TMIE: variants seen among roughly 807,000 people sequenced by gnomAD.
The protein encoded by TMIE is transmembrane inner ear expressed protein.
Under a neutral mutation model 16.8 loss-of-function variants are expected in TMIE, and 14 were observed. The ratio of observed to expected loss-of-function variants is 0.83; its 90% CI spans 0.55 to 1.30. The LOEUF is 1.30. TMIE is among the 50% of genes most tolerant of loss of function. TMIE has a pLI of 0.00. For missense variants in TMIE, 204 were observed against 205.9 expected (o/e 0.99, Z 0.06); for synonymous variants, 75 against 87.2 (o/e 0.86, Z 0.78).
chr3:46,699,056 TCTTA>T (rs1194694075), upstream of TMIE, among the ~76,000 whole-genome samples: 1 of 133,414 alleles, frequency 7.5e-6, no homozygotes, highest in Non-Finnish European at 1.6e-5. Flanking sequence ...AAATGGTGTT[TCTTA>T]TTTTTTTTTT....
In TMIE at chr3:46,701,496, G is replaced by A; in HGVS notation, c.9G>A (p.Gly3=). The A allele has an allele frequency of 3.7e-6, 5 of 1,347,020 alleles. No homozygotes were observed. Among genetic ancestry groups the A allele is most frequent in the Middle Eastern group, 2.0e-4 (1 of 5,006 alleles). 83.4% of individuals were successfully genotyped at this position (1,347,020 alleles called of 1,614,324 possible). A position where few individuals can be genotyped will look rare whatever the true frequency, so the allele number is the denominator to read the frequency against. The change falls in exon 1 of 4, where the codon GGG becomes GGA. Residue 3 remains glycine (G), a synonymous_variant. Coordinates refer to ENST00000643606, the MANE Select transcript of TMIE (RefSeq NM_147196.3). The surrounding 1 kb of genome is among the most constrained non-coding windows in gnomAD (Gnocchi z 4.3). ...GGCGCGGTGGCACGAAGATGGCGGG[G>A]TGGCCGGGCGCGGGTCCCCTCTGCG... MA[G]WPGAGPLCVL... is the part of the protein sequence containing the mutation.
At chr3:46,699,175 C>T (rs564173605), upstream of TMIE, among the ~76,000 whole-genome samples, 2 of 144,216 alleles carry the variant, frequency 1.4e-5, no homozygotes, top group East Asian at 2.1e-4. Flanking sequence ...CGAGTTCAAG[C>T]GATTCTCCTG....
rs765221463 is a variant in TMIE at position 46,705,819 on chromosome 3, G to A, written c.123G>A (p.Pro41=). 1.3e-4 allele frequency: 209 copies of A among 1,614,028 alleles called. 1 individual carries two copies. Among genetic ancestry groups the A allele is most frequent in the South Asian group, 2.0e-4 (18 of 91,084 alleles). The change falls in exon 2 of 4, where the codon CCG becomes CCA. Residue 41 remains proline (P), a synonymous_variant. Coordinates refer to ENST00000643606, the MANE Select transcript of TMIE (RefSeq NM_147196.3). The part of the protein sequence containing the change: ...EPSTAPPKPK[P]PPLTKETVVF... The stretch of plus-strand genomic sequence containing the variant: ...GCACGGCCCCACCCAAGCCCAAGCC[G>A]CCTCCGCTGACCAAGGAGACAGTGG...
At chr3:46,700,251 G>A (rs919930854), upstream of TMIE, among the ~76,000 whole-genome samples, 5 of 152,176 alleles carry the variant, frequency 3.3e-5, no homozygotes, top group South Asian at 2.1e-4. Context: ...AACAGCTCTC[G>A]TTTTCCTGCC....
chr3:46,709,489 A>G, intron 3 of TMIE, 90 bp from the exon 4 acceptor site: 1 of 1,613,168 alleles, frequency 6.2e-7, no homozygotes, highest in Middle Eastern at 1.7e-4. Flanking sequence ...GGCAGAGTGT[A>G]GGAGGTTCTG....
At chr3:46,701,012 A>G (rs1311406274), upstream of TMIE, among the ~76,000 whole-genome samples, 1 of 151,292 alleles carries the variant, frequency 6.6e-6, no homozygotes, top group African/African-American at 2.4e-5. The surrounding 1 kb of genome is among the most constrained non-coding windows in gnomAD (Gnocchi z 4.3). Flanking sequence ...GCCTGTCACC[A>G]TGGCAACCTG....
chr3:46,696,172 C>G lies in TMIE; in HGVS notation c.-67+1554C>G, dbSNP rs570843770. ...CCACATGGACCCATCTACCATTGAA[C>G]CCACTGGTAAGGACTCCAAGTTGCA... On this transcript the variant is annotated intron_variant, in intron 1 of 3. Coordinates refer to the TMIE transcript ENST00000644830. Among the ~76,000 whole-genome samples, 3 of 152,332 alleles carry G rather than the reference C, an allele frequency of 2.0e-5. 1 individual carries two copies. The South Asian group carries it at 6.2e-4, about 32-fold the overall frequency.
Position 46,710,103 on chromosome 3 carries a change from G to C in TMIE, c.*415G>C. The C allele has an allele frequency of 6.3e-6, 2 of 315,350 alleles. No homozygotes were observed. The highest frequency in any genetic ancestry group is 5.8e-5 in the South Asian group (2 of 34,272). The allele number at this position is 315,350 out of a possible 1,614,324, so 19.5% of individuals were successfully genotyped here. A position where few individuals can be genotyped will look rare whatever the true frequency, so the allele number is the denominator to read the frequency against. On this transcript the variant is annotated 3_prime_UTR_variant, in exon 4 of 4. Transcript: ENST00000643606. Reference sequence around the variant, plus strand: ...ATGGCTGAAGTGCATGGGTCAGGGTGTGAGGCCACACCCAGAGTAGCCATG... The same window carrying C: ...ATGGCTGAAGTGCATGGGTCAGGGTCTGAGGCCACACCCAGAGTAGCCATG...
upstream of TMIE, among the ~76,000 whole-genome samples, chr3:46,696,667 A>G (rs942675218): frequency 3.3e-5 from 5 of 152,116 alleles, no homozygotes; most frequent in African/African-American, 9.7e-5. Context: ...TTCAGGCTCC[A>G]GGAGAGAACA....
chr3:46,702,660 G>T (rs1459173052), intron 1 of TMIE, among the ~76,000 whole-genome samples: 2 of 152,104 alleles, frequency 1.3e-5, no homozygotes, highest in Non-Finnish European at 2.9e-5. Flanking sequence ...CTTGGGGACA[G>T]TGTGGGATAG....
chr3:46,700,027 G>T (rs757609319), upstream of TMIE, among the ~76,000 whole-genome samples: 3 of 152,248 alleles, frequency 2.0e-5, no homozygotes, highest in South Asian at 2.1e-4. Context: ...TGACTGGTCA[G>T]TGTGGCTTTC....
intron 2 of TMIE, among the ~76,000 whole-genome samples, 175 bp from the exon 3 acceptor site, chr3:46,708,951 C>A (rs1020671144): frequency 6.6e-6 from 1 of 152,230 alleles, no homozygotes; most frequent in East Asian, 1.9e-4. Context: ...CTTAGGAAAG[C>A]CACCTTGGTC....
upstream of TMIE, among the ~76,000 whole-genome samples, chr3:46,700,166 C>A (rs1214017649): frequency 6.6e-6 from 1 of 152,192 alleles, no homozygotes; most frequent in East Asian, 1.9e-4. Flanking sequence ...GTGGCCCAGC[C>A]CACTCAGTCC....
intron 1 of TMIE, 23 bp from the exon 2 acceptor site, chr3:46,705,767 C>T (rs771630506): frequency 1.9e-6 from 3 of 1,610,548 alleles, no homozygotes; most frequent in Non-Finnish European, 8.5e-7. Flanking sequence ...GCCTAACTCA[C>T]TCCCCTCTCT....
chr3:46,699,353 G>C (rs868564769), upstream of TMIE, among the ~76,000 whole-genome samples: 16 of 152,280 alleles, frequency 1.1e-4, no homozygotes, highest in African/African-American at 3.4e-4. Context: ...TTACAGGTGT[G>C]AGCCACCATG....
At chr3:46,701,154 T>C (rs1436075810), upstream of TMIE, among the ~76,000 whole-genome samples, 6 of 151,644 alleles carry the variant, frequency 4.0e-5, no homozygotes, top group African/African-American at 1.5e-4. This position sits in a 1 kb window ranked among gnomAD's most constrained non-coding sequence, Gnocchi z 4.3. Context: ...CTGAGGCCCA[T>C]TTGCAGAAGG....
Position 46,709,192 on chromosome 3 carries a change from A to G in TMIE, c.278A>G (p.Tyr93Cys), listed in dbSNP as rs1239714399. The G allele has an allele frequency of 6.2e-7, 1 of 1,614,134 alleles. No individual in the cohort carries two copies. The highest frequency in any genetic ancestry group is 1.7e-5 in the Admixed American group (1 of 60,032). Residue 93 changes from tyrosine to cysteine, a missense_variant, in exon 3 of 4, where the codon TAC becomes TGC. By Grantham distance (194) the Tyr-to-Cys change is radical. Transcript: ENST00000643606. ...PRTRKEIEARYLQRKAAKMYT... is the reference protein window; with the variant it reads ...PRTRKEIEARCLQRKAAKMYT... ...ACCCGGAAGGAGATCGAAGCCCGGT[A>G]CCTGCAGCGAAAGGCAGCCAAGATG... is the stretch of plus-strand genomic sequence containing the variant.
upstream of TMIE, among the ~76,000 whole-genome samples, chr3:46,699,209 G>A (rs1471058871): frequency 6.6e-6 from 1 of 151,784 alleles, no homozygotes; most frequent in Non-Finnish European, 1.5e-5. Flanking sequence ...AGTAGCTGGG[G>A]TTACAGGCAT....
chr3:46,704,232 C>T (rs1700514880), intron 1 of TMIE, among the ~76,000 whole-genome samples: 1 of 147,706 alleles, frequency 6.8e-6, no homozygotes, highest in Non-Finnish European at 1.5e-5. Context: ...CAGGGCGGAC[C>T]ATGTCCCTAG....
Sources: gnomAD v4.1 joint callset for allele counts (sites outside exome capture counted in the v4.1 genomes callset) on GRCh38, gnomAD v4.1.1 for gene constraint, Gnocchi (gnomAD v3.1) non-coding constraint, MANE v1.5 for transcripts, NCBI Gene and HGNC (gene_info 2026-07-23, HGNC 2026-07-21) for gene names.